The following OLA1 variants were observed in gnomAD, a reference collection of about 807,000 sequenced individuals.
The protein encoded by OLA1 is Obg like ATPase 1, also known as obg-like ATPase 1.
Under a neutral mutation model 48.4 loss-of-function variants are expected in OLA1, and 14 were observed. The ratio of observed to expected loss-of-function variants is 0.29; its 90% CI spans 0.19 to 0.45. The LOEUF (loss-of-function observed/expected upper bound fraction) is 0.45. Ranked by LOEUF, OLA1 falls within the 20% of genes least tolerant of loss-of-function variation. The pLI, the probability that OLA1 is intolerant of heterozygous loss-of-function variation, is 1.00. For synonymous variants in OLA1, 127 were observed against 150.4 expected (o/e 0.84, Z 1.14); for missense variants, 325 against 467.1 (o/e 0.70, Z 2.80).
intron 7 of OLA1, among the ~76,000 whole-genome samples, chr2:174,089,535 G>C (rs1341661354): frequency 6.6e-6 from 1 of 152,138 alleles, no homozygotes; most frequent in African/African-American, 2.4e-5. Flanking sequence ...GAAAATGTTT[G>C]CTCTGAATCC....
intron 4 of OLA1, among the ~76,000 whole-genome samples, chr2:174,202,561 T>C (rs556633824): frequency 6.1e-4 from 93 of 152,212 alleles, no homozygotes; most frequent in Non-Finnish European, 1.0e-3. Flanking sequence ...CCACTAGTGA[T>C]GCTGGCAGTG....
chr2:174,206,408 A>G (rs1688115895), intron 4 of OLA1, among the ~76,000 whole-genome samples: 1 of 152,170 alleles, frequency 6.6e-6, no homozygotes, highest in Non-Finnish European at 1.5e-5. Flanking sequence ...CTGATCATTA[A>G]AGATCAAGAG....
At chr2:174,223,535 T>G (rs1051634253) in intron 3 of OLA1, among the ~76,000 whole-genome samples, 1 of 152,214 alleles carries the variant, frequency 6.6e-6, no homozygotes, top group Non-Finnish European at 1.5e-5. Flanking sequence ...CAACTAACTT[T>G]GTGCCAGACA....
intron 7 of OLA1, among the ~76,000 whole-genome samples, chr2:174,111,804 C>T (rs978173180): frequency 2.6e-5 from 4 of 152,200 alleles, no homozygotes; most frequent in African/African-American, 9.6e-5. Context: ...TAAGTCAGTA[C>T]ATGGTTAAAA....
intron 7 of OLA1, among the ~76,000 whole-genome samples, chr2:174,095,386 G>T (rs549740882): frequency 1.4e-5 from 2 of 142,214 alleles, no homozygotes; most frequent in South Asian, 4.4e-4. Context: ...TTCCCAATGG[G>T]TGTGGGATGA....
Position 174,081,266 on chromosome 2 carries a change from A to C in OLA1, c.870-18T>G. ...GCAAAGCACTGAAATCAAATGAAAC[A>C]AATTCACCCAACACATAAGTTGATT... On this transcript the variant is annotated intron_variant, in intron 8 of 10. Coordinates refer to ENST00000284719, the MANE Select transcript of OLA1 (RefSeq NM_013341.5). The C allele has an allele frequency of 1.3e-6, 2 of 1,581,682 alleles. No homozygotes were observed. The highest frequency in any genetic ancestry group is 1.7e-6 in the Non-Finnish European group (2 of 1,152,856).
chr2:174,094,353 G>A (rs531554141), intron 7 of OLA1, among the ~76,000 whole-genome samples: 2 of 152,268 alleles, frequency 1.3e-5, no homozygotes, highest in Admixed American at 6.5e-5. Flanking sequence ...ACATGGCAAC[G>A]TTCCTCAAAC....
At chr2:174,108,534 C>G (rs1257279546) in intron 7 of OLA1, among the ~76,000 whole-genome samples, 1 of 152,132 alleles carries the variant, frequency 6.6e-6, no homozygotes, top group African/African-American at 2.4e-5. Flanking sequence ...AATAATTATT[C>G]ATACACCAAA....
chr2:174,219,712 G>A (rs556135732), intron 4 of OLA1, among the ~76,000 whole-genome samples: 7 of 152,070 alleles, frequency 4.6e-5, no homozygotes, highest in Admixed American at 6.5e-5. Context: ...ATGAGCCACC[G>A]TGCTCAGCCC....
At chr2:174,136,833 G>A (rs901341316) in intron 5 of OLA1, among the ~76,000 whole-genome samples, 1 of 146,000 alleles carries the variant, frequency 6.8e-6, no homozygotes, top group Non-Finnish European at 1.6e-5. Flanking sequence ...TGCCACGCCT[G>A]GTTAATTTTT....
chr2:174,193,748 C>G (rs1253838349), intron 4 of OLA1, among the ~76,000 whole-genome samples: 1 of 152,062 alleles, frequency 6.6e-6, no homozygotes, highest in Non-Finnish European at 1.5e-5. Context: ...TCTTTTACAC[C>G]AGGAATCGCT....
intron 4 of OLA1, among the ~76,000 whole-genome samples, chr2:174,209,741 G>A (rs533342545): frequency 6.3e-4 from 96 of 152,158 alleles, no homozygotes; most frequent in African/African-American, 2.2e-3. Flanking sequence ...GACTGTAAAG[G>A]TGAAGATCTT....
At position 174,141,880 on chromosome 2, in the gene OLA1, T is replaced by C; in HGVS notation, c.494A>G (p.Asp165Gly). The C allele has an allele frequency of 6.2e-7, 1 of 1,611,998 alleles. No homozygotes were observed. Among genetic ancestry groups the C allele is most frequent in the Non-Finnish European group, 8.5e-7 (1 of 1,179,756 alleles). The change falls in exon 5 of 11, where the codon GAT (aspartate) becomes GGT (glycine). Residue 165 changes from aspartate to glycine, a missense_variant. Asp to Gly is a moderately conservative substitution (Grantham distance 94, BLOSUM62 -1). Coordinates refer to ENST00000284719, the MANE Select transcript of OLA1 (RefSeq NM_013341.5). ...KDEEMIGPII[D>G]KLEKVAVRGG... ...TCTCACAGCCACCTTTTCTAGTTTA[T>C]CTATAATGGGCCCAATCATTTCCTC...
intron 2 of OLA1, among the ~76,000 whole-genome samples, chr2:174,243,019 T>G (rs1317440683): frequency 6.6e-6 from 1 of 152,026 alleles, no homozygotes; most frequent in Non-Finnish European, 1.5e-5. Flanking sequence ...TTTTGTTGTT[T>G]TTTTTTTCAG....
chr2:174,217,580 T>G (rs4131583), intron 4 of OLA1, among the ~76,000 whole-genome samples: 62,394 of 151,958 alleles, frequency 0.41, 13,748 homozygotes, highest in East Asian at 0.73. Flanking sequence ...TACAGTCAGA[T>G]GTATACATGT....
chr2:174,166,557 T>C lies in OLA1; in HGVS notation c.374-24557A>G, dbSNP rs73035722. ...GTGTATCACAGATCTAGGTAAATGT[T>C]TACTTGAATGGGTCTCTGATTTCCT... On this transcript the variant is annotated intron_variant, in intron 4 of 10. Coordinates refer to ENST00000284719, the MANE Select transcript of OLA1 (RefSeq NM_013341.5). Among the ~76,000 whole-genome samples, 652 of 152,282 alleles carry C rather than the reference T, an allele frequency of 4.3e-3. 2 individuals carry two copies. The highest frequency in any genetic ancestry group is 0.015 in the African/African-American group (620 of 41,548).
At chr2:174,130,385 C>G (rs992933503) in intron 5 of OLA1, among the ~76,000 whole-genome samples, 1 of 152,198 alleles carries the variant, frequency 6.6e-6, no homozygotes, top group African/African-American at 2.4e-5. Context: ...CAAGAATTAA[C>G]ACAATAGGCT....
In OLA1 at chr2:174,081,230, A is replaced by G; in HGVS notation, c.888T>C (p.Ile296=). 1 of 1,610,894 alleles carries G rather than the reference A, an allele frequency of 6.2e-7. No individual in the cohort carries two copies. Among genetic ancestry groups the G allele is most frequent in the Non-Finnish European group, 8.5e-7 (1 of 1,178,872 alleles). ...NMTQSALPKI[I]KAGFAALQLE... is the part of the protein sequence containing the mutation. ...GTTGGAGTGCTGCAAACCCAGCCTT[A>G]ATGATCTTTGGCAAAGCACTGAAAT... is the stretch of plus-strand genomic sequence containing the variant. Residue 296 remains isoleucine, a synonymous_variant, in exon 9 of 11, where the codon ATT becomes ATC. Transcript: ENST00000284719.
chr2:174,235,873 C>T (rs1424972792), intron 2 of OLA1, among the ~76,000 whole-genome samples: 2 of 152,122 alleles, frequency 1.3e-5, no homozygotes, highest in Non-Finnish European at 2.9e-5. Context: ...TCAGGGCTCA[C>T]ATGGAGATTG....
Sources: gnomAD v4.1 joint callset for allele counts (sites outside exome capture counted in the v4.1 genomes callset) on GRCh38, gnomAD v4.1.1 for gene constraint, MANE v1.5 for transcripts, NCBI Gene and HGNC (gene_info 2026-07-23, HGNC 2026-07-21) for gene names.